Variants in CACNA2D3 observed in about 807,000 individuals in gnomAD.
CACNA2D3 encodes the protein calcium voltage-gated channel auxiliary subunit alpha2delta 3, also known as voltage-dependent calcium channel subunit alpha-2/delta-3.
In CACNA2D3, 60 loss-of-function variants were observed where a neutral mutation model predicts 160.6. The ratio of observed to expected loss-of-function variants is 0.37; its 90% CI spans 0.30 to 0.46. The LOEUF (loss-of-function observed/expected upper bound fraction) is 0.46, where lower values mean the gene tolerates loss of function less well. Ranked by LOEUF, CACNA2D3 falls within the 20% of genes least tolerant of loss-of-function variation. The probability of loss-of-function intolerance (pLI) is 1.00; values close to 1 mark genes in which losing one functional copy is unlikely to be tolerated. For missense variants in CACNA2D3, 1,205 were observed against 1,365.0 expected (o/e 0.88, Z 1.85); for synonymous variants, 558 against 492.9 (o/e 1.13, Z -1.75).
intron 2 of CACNA2D3, among the ~76,000 whole-genome samples, chr3:54,300,177 C>G (rs1215563719): frequency 6.6e-6 from 1 of 152,190 alleles, no homozygotes; most frequent in Non-Finnish European, 1.5e-5. Flanking sequence ...TTTTTAGCTT[C>G]CTGTGCTTCA....
At chr3:54,241,863 C>T (rs1701979777) in intron 2 of CACNA2D3, among the ~76,000 whole-genome samples, 1 of 152,178 alleles carries the variant, frequency 6.6e-6, no homozygotes, top group Non-Finnish European at 1.5e-5. Flanking sequence ...ACTTGAACTT[C>T]CTAAGCCTCA....
Position 54,626,257 on chromosome 3 carries a change from A to C in CACNA2D3, c.964-1530A>C, listed in dbSNP as rs1575390568. ...GAAGAAGCAGACCTTCCGCAGGTTC[A>C]CCTACCGTGGCGTGGACCTGGACCA... is the stretch of plus-strand genomic sequence containing the variant. On this transcript the variant is annotated intron_variant, in intron 9 of 37. Transcript: ENST00000474759. 8.1e-6 allele frequency: 10 copies of C among 1,240,284 alleles called. No homozygotes were observed. In the East Asian group the frequency reaches 2.5e-4, roughly 31 times the overall value. 76.8% of individuals were successfully genotyped at this position (1,240,284 alleles called of 1,614,324 possible). A position where few individuals can be genotyped will look rare whatever the true frequency, so the allele number is the denominator to read the frequency against.
At chr3:54,454,170 A>G (rs1312689343) in intron 4 of CACNA2D3, among the ~76,000 whole-genome samples, 1 of 152,170 alleles carries the variant, frequency 6.6e-6, no homozygotes, top group Non-Finnish European at 1.5e-5. Flanking sequence ...GTAAAACACT[A>G]TTTCATAAGA....
intron 10 of CACNA2D3, among the ~76,000 whole-genome samples, chr3:54,636,656 T>C (rs1318523604): frequency 6.6e-6 from 1 of 151,998 alleles, no homozygotes; most frequent in African/African-American, 2.4e-5. Context: ...CTGGCTCTTG[T>C]GTAAGAATTC....
intron 2 of CACNA2D3, among the ~76,000 whole-genome samples, chr3:54,156,534 G>C (rs1484556207): frequency 6.6e-6 from 1 of 152,200 alleles, no homozygotes; most frequent in African/African-American, 2.4e-5. Context: ...CTGGGAGCCA[G>C]ACTCCACGAT....
chr3:54,687,126 T>TCTTTTTC lies in CACNA2D3; in HGVS notation c.1167+44885_1167+44886insCTTTTTC, dbSNP rs374461120. 8.2e-3 allele frequency among the ~76,000 whole-genome samples: 546 copies of TCTTTTTC among 66,672 alleles called. 3 individuals are homozygous for TCTTTTTC. Among genetic ancestry groups the TCTTTTTC allele is most frequent in the African/African-American group, 0.029 (424 of 14,534 alleles). 43.7% of individuals were successfully genotyped at this position (66,672 alleles called of 152,430 possible). A position where few individuals can be genotyped will look rare whatever the true frequency, so the allele number is the denominator to read the frequency against. ...GGATTTTTCTTTTTCTTTTTCTTTT[T>TCTTTTTC]TTTTTTTTGTTTTTTTTTTTTTTTG... On this transcript the variant is annotated intron_variant, in intron 11 of 37. Coordinates refer to ENST00000474759, the MANE Select transcript of CACNA2D3 (RefSeq NM_018398.3).
At position 54,891,180 on chromosome 3, in the gene CACNA2D3, CGTGTGTGTGT is replaced by C. The variant is rs3836392; in HGVS notation, c.2151-142_2151-133del. 1.3e-3 allele frequency among the ~76,000 whole-genome samples: 186 copies of C among 141,992 alleles called. 1 individual carries two copies. Among genetic ancestry groups the C allele is most frequent in the African/African-American group, 4.3e-3 (165 of 37,938 alleles). The allele number at this position is 141,992 out of a possible 152,430, so 93.2% of individuals were successfully genotyped here. ...GGGATACAAGTTGGCAATCTGTGCT[CGTGTGTGTGT>C]GTGTGTGTGTGTGTGTGTGTGTGTG... is the stretch of plus-strand genomic sequence containing the variant. On this transcript the variant is annotated intron_variant, in intron 24 of 37. Transcript: ENST00000474759.
intron 4 of CACNA2D3, among the ~76,000 whole-genome samples, chr3:54,404,419 A>G (rs939463509): frequency 6.6e-6 from 1 of 152,224 alleles, no homozygotes; most frequent in South Asian, 2.1e-4. Flanking sequence ...AAAGCATTCA[A>G]CAAAGTTCAA....
chr3:54,178,973 A>T lies in CACNA2D3; in HGVS notation c.204+55379A>T, dbSNP rs558991861. Among the ~76,000 whole-genome samples, 49 of 151,694 alleles carry T rather than the reference A, an allele frequency of 3.2e-4. No individual in the cohort carries two copies. The South Asian group carries it at 3.3e-3, about 10-fold the overall frequency. On this transcript the variant is annotated intron_variant, in intron 2 of 37. Coordinates refer to ENST00000474759, the MANE Select transcript of CACNA2D3 (RefSeq NM_018398.3). The stretch of plus-strand genomic sequence containing the variant: ...ATTTGCATAGCAAACTTTTTTTTTT[A>T]AATTTAGCATCTATATTGATGTGAG...
intron 11 of CACNA2D3, among the ~76,000 whole-genome samples, chr3:54,717,449 T>A (rs768866686): frequency 2.0e-5 from 3 of 152,224 alleles, no homozygotes; most frequent in Non-Finnish European, 4.4e-5. Context: ...AGTTTATCTT[T>A]GCCAACGTTT....
Position 55,073,790 on chromosome 3 carries a change from T to C in CACNA2D3, c.3114T>C (p.Leu1038=). 6.2e-7 allele frequency: 1 copy of C among 1,613,438 alleles called. No individual in the cohort carries two copies. The highest frequency in any genetic ancestry group is 2.2e-5 in the East Asian group (1 of 44,870). ...ACTACAGTCAACATAATGAATCCCT[T>C]AAGTGTGAACGTCTAAAGGCCCAGA... ...APIEIRYNES[L]KCERLKAQKI... is the part of the protein sequence containing the mutation. The change falls in exon 37 of 38, where the codon CTT becomes CTC. Residue 1038 remains leucine, a synonymous_variant. Coordinates refer to ENST00000474759, the MANE Select transcript of CACNA2D3 (RefSeq NM_018398.3).
chr3:54,686,727 C>T (rs1250053253), intron 11 of CACNA2D3, among the ~76,000 whole-genome samples: 1 of 152,084 alleles, frequency 6.6e-6, no homozygotes, highest in African/African-American at 2.4e-5. Flanking sequence ...TATGCTTTCT[C>T]CTTTTAGTGA....
intron 11 of CACNA2D3, among the ~76,000 whole-genome samples, chr3:54,729,304 A>G (rs934193542): frequency 6.6e-6 from 1 of 152,198 alleles, no homozygotes; most frequent in African/African-American, 2.4e-5. Flanking sequence ...AATTATTTTC[A>G]GTATAGGATC....
intron 24 of CACNA2D3, among the ~76,000 whole-genome samples, chr3:54,889,629 G>A (rs1485716935): frequency 6.6e-6 from 1 of 152,194 alleles, no homozygotes; most frequent in African/African-American, 2.4e-5. Context: ...TAGACATCGT[G>A]AGCTGAAAAT....
chr3:54,135,982 CAG>C (rs903572437), intron 2 of CACNA2D3, among the ~76,000 whole-genome samples: 3 of 152,248 alleles, frequency 2.0e-5, no homozygotes, highest in African/African-American at 7.2e-5. Flanking sequence ...TCTTGGACGA[CAG>C]GGGGAGGCAG....
chr3:54,187,063 G>A (rs1047753331), intron 2 of CACNA2D3, among the ~76,000 whole-genome samples: 1 of 152,156 alleles, frequency 6.6e-6, no homozygotes, highest in Non-Finnish European at 1.5e-5. Flanking sequence ...GGCATTTTGG[G>A]CTCCTGCTGC....
intron 4 of CACNA2D3, among the ~76,000 whole-genome samples, chr3:54,458,548 A>G (rs1391436566): frequency 6.6e-6 from 1 of 151,652 alleles, no homozygotes; most frequent in Non-Finnish European, 1.5e-5. Context: ...TAGTCTAGTA[A>G]GGGTTCCTTT....
intron 5 of CACNA2D3, among the ~76,000 whole-genome samples, chr3:54,516,846 G>A (rs190938508): frequency 5.5e-4 from 83 of 152,252 alleles, no homozygotes; most frequent in African/African-American, 1.9e-3. Context: ...GTGGGAGGAG[G>A]GGAATTAGCA....
chr3:54,551,301 ACT>A (rs1288607071), intron 5 of CACNA2D3, among the ~76,000 whole-genome samples: 1 of 152,150 alleles, frequency 6.6e-6, no homozygotes, highest in Non-Finnish European at 1.5e-5. Flanking sequence ...GGTTTTGCCC[ACT>A]GTTTTGTCTC....
Sources: gnomAD v4.1 joint callset for allele counts (sites outside exome capture counted in the v4.1 genomes callset) on GRCh38, gnomAD v4.1.1 for gene constraint, MANE v1.5 for transcripts, NCBI Gene and HGNC (gene_info 2026-07-23, HGNC 2026-07-21) for gene names.